PTPRQ: variants seen among roughly 807,000 people sequenced by gnomAD.
PTPRQ encodes protein tyrosine phosphatase receptor type Q, also known as phosphatidylinositol phosphatase PTPRQ.
A neutral mutation model predicts 246.0 loss-of-function variants in PTPRQ; 199 were observed. The observed-to-expected ratio is 0.81, with a 90% CI of 0.72 to 0.91. PTPRQ has a LOEUF of 0.91. PTPRQ is among the 40% of genes least tolerant of loss of function. The pLI, the probability that PTPRQ is intolerant of heterozygous loss-of-function variation, is 0.00. For missense variants in PTPRQ, 2,624 were observed against 2,528.4 expected, an observed-to-expected ratio of 1.04 and a Z score of -0.81; for synonymous variants, 869 against 853.2, an observed-to-expected ratio of 1.02 and a Z score of -0.32.
chr12:80,517,662 C>T (rs562508945), intron 17 of PTPRQ, among the ~76,000 whole-genome samples: 1 of 151,838 alleles, frequency 6.6e-6, no homozygotes, highest in Admixed American at 6.6e-5. Flanking sequence ...CCTCACTACC[C>T]TTCCCACCTT....
intron 28 of PTPRQ, among the ~76,000 whole-genome samples, chr12:80,611,664 T>G (rs2121104259): frequency 6.6e-6 from 1 of 150,512 alleles, no homozygotes; most frequent in South Asian, 2.1e-4. Context: ...ATATCACAAT[T>G]TAATACATTT....
chr12:80,602,816 T>G (rs1898187681), intron 26 of PTPRQ, among the ~76,000 whole-genome samples: 1 of 151,790 alleles, frequency 6.6e-6, no homozygotes. Flanking sequence ...GTGATTCACT[T>G]GAACCAGATA....
chr12:80,589,827 G>A (rs904584327), intron 26 of PTPRQ, among the ~76,000 whole-genome samples: 3 of 152,132 alleles, frequency 2.0e-5, no homozygotes, highest in East Asian at 1.9e-4. Flanking sequence ...CTCCGTCTCC[G>A]TCCTCTTTGC....
intron 25 of PTPRQ, among the ~76,000 whole-genome samples, chr12:80,576,522 G>A (rs1314067583): frequency 6.6e-6 from 1 of 151,844 alleles, no homozygotes; most frequent in Non-Finnish European, 1.5e-5. Context: ...TTGTATTTTT[G>A]AAATCTGTCC....
chr12:80,617,398 A>G (rs1334186596), intron 30 of PTPRQ, among the ~76,000 whole-genome samples: 5 of 151,416 alleles, frequency 3.3e-5, no homozygotes, highest in Admixed American at 2.6e-4. Flanking sequence ...TAAGTGTTTG[A>G]TTTAAATTGA....
At chr12:80,470,508 G>A (rs1592546464) in intron 7 of PTPRQ, among the ~76,000 whole-genome samples, 1 of 152,270 alleles carries the variant, frequency 6.6e-6, no homozygotes, top group South Asian at 2.1e-4. Context: ...AGAGTGATTG[G>A]ACCATTGACT....
chr12:80,506,708 A>G, intron 16 of PTPRQ, 38 bp downstream of exon 16: 15 of 1,511,632 alleles, frequency 9.9e-6, no homozygotes, highest in Non-Finnish European at 1.2e-5. Flanking sequence ...CTTTGATTCT[A>G]TAACATTCCA....
chr12:80,644,350 T>C (rs1373694699), intron 35 of PTPRQ, among the ~76,000 whole-genome samples: 4 of 152,292 alleles, frequency 2.6e-5, no homozygotes, highest in East Asian at 1.9e-4. Context: ...AGTTATCTTA[T>C]TGAAATCTGG....
At chr12:80,463,211 G>A (rs569238691) in intron 6 of PTPRQ, among the ~76,000 whole-genome samples, 39 of 152,334 alleles carry the variant, frequency 2.6e-4, no homozygotes, top group African/African-American at 7.9e-4. Flanking sequence ...CGAGAACTAC[G>A]TGAAGAATGC....
chr12:80,562,096 A>G (rs1380709791), intron 25 of PTPRQ, among the ~76,000 whole-genome samples: 1 of 152,062 alleles, frequency 6.6e-6, no homozygotes, highest in East Asian at 1.9e-4. Context: ...CTAATATTGA[A>G]CCAGCCTTGG....
intron 35 of PTPRQ, among the ~76,000 whole-genome samples, chr12:80,647,590 T>C (rs12302705): frequency 9.1e-4 from 138 of 152,334 alleles, no homozygotes; most frequent in African/African-American, 3.1e-3. Context: ...ACTGTTACTA[T>C]GTCAGAGATA....
chr12:80,459,694 T>C (rs1190852945), intron 5 of PTPRQ, among the ~76,000 whole-genome samples: 1 of 152,174 alleles, frequency 6.6e-6, no homozygotes, highest in Non-Finnish European at 1.5e-5. Context: ...CAGGAATGGT[T>C]TGAGAATTCA....
intron 25 of PTPRQ, among the ~76,000 whole-genome samples, chr12:80,576,284 GGCACGT>G (rs1897278016): frequency 6.6e-6 from 1 of 151,932 alleles, no homozygotes; most frequent in Non-Finnish European, 1.5e-5. Context: ...TGGGACTATA[GGCACGT>G]GCCATCACAC....
At chr12:80,473,242 T>C (rs926575138) in intron 8 of PTPRQ, among the ~76,000 whole-genome samples, 1 of 152,258 alleles carries the variant, frequency 6.6e-6, no homozygotes, top group Admixed American at 6.5e-5. Context: ...TATATAGTTT[T>C]AGAATACATA....
chr12:80,668,773 GT>G (rs1296466038), intron 39 of PTPRQ, among the ~76,000 whole-genome samples: 1 of 151,666 alleles, frequency 6.6e-6, no homozygotes, highest in Non-Finnish European at 1.5e-5. Flanking sequence ...AGTCCTTAAT[GT>G]TTTATTCAAA....
intron 27 of PTPRQ, 139 bp downstream of exon 27, chr12:80,605,319 T>A: frequency 9.0e-7 from 1 of 1,112,368 alleles, no homozygotes; most frequent in Non-Finnish European, 1.2e-6. Context: ...TTTCAATGTC[T>A]ACATCTGTAA....
chr12:80,623,390 G>T (rs897164716), intron 33 of PTPRQ, among the ~76,000 whole-genome samples: 4 of 152,080 alleles, frequency 2.6e-5, no homozygotes, highest in African/African-American at 9.7e-5. Context: ...CAAATCATTG[G>T]TTTGATTAAT....
intron 3 of PTPRQ, chr12:80,454,558 T>C: frequency 1.4e-6 from 1 of 702,522 alleles, no homozygotes; most frequent in Non-Finnish European, 2.6e-6. Context: ...TTCTTAGGGA[T>C]AATCCTTTAA....
rs776739933 is a variant in PTPRQ at position 80,495,351 on chromosome 12, A to G, written c.1862A>G (p.Asp621Gly). The G allele has an allele frequency of 2.0e-5, 31 of 1,515,874 alleles. 1 individual carries two copies. The South Asian group carries it at 3.9e-4, about 19-fold the overall frequency. The allele number at this position is 1,515,874 out of a possible 1,614,324, so 93.9% of individuals were successfully genotyped here. The change falls in exon 12 of 45, where the codon GAT (aspartate) becomes GGT (glycine). Residue 621 changes from aspartate to glycine, a missense_variant. Transcript: ENST00000644991. Reference sequence around the variant, plus strand: ...AGAGCATTCCAGATAACTACCATAGATAACAGCTTTCTCATAACAGGTAGA... The same window carrying G: ...AGAGCATTCCAGATAACTACCATAGGTAACAGCTTTCTCATAACAGGTAGA... ...TNRAFQITTIDNSFLITGLKK... is the reference protein window; with the variant it reads ...TNRAFQITTIGNSFLITGLKK...
Sources: gnomAD v4.1 joint callset for allele counts (sites outside exome capture counted in the v4.1 genomes callset) on GRCh38, gnomAD v4.1.1 for gene constraint, MANE v1.5 for transcripts, NCBI Gene and HGNC (gene_info 2026-07-23, HGNC 2026-07-21) for gene names.